CDH18: variants seen among roughly 807,000 people sequenced by gnomAD.
CDH18 encodes cadherin 18.
A neutral mutation model predicts 67.9 loss-of-function variants in CDH18; 31 were observed. The ratio of observed to expected loss-of-function variants is 0.46; its 90% CI spans 0.34 to 0.62. CDH18 has a LOEUF of 0.62. Among genes scored for constraint, CDH18 ranks in the 20% least tolerant of loss-of-function variants. The pLI is 0.01. For missense variants in CDH18, 890 were observed against 975.5 expected (o/e 0.91, Z 1.17); for synonymous variants, 362 against 347.2 (o/e 1.04, Z -0.48).
At chr5:20,503,065 G>C (rs1341279955) in intron 1 of CDH18, among the ~76,000 whole-genome samples, 1 of 152,008 alleles carries the variant, frequency 6.6e-6, no homozygotes, top group Non-Finnish European at 1.5e-5. Context: ...AGTTAATGTA[G>C]TGCTGCAAAT....
At chr5:20,484,929 A>G (rs1271550816) in intron 1 of CDH18, among the ~76,000 whole-genome samples, 1 of 152,126 alleles carries the variant, frequency 6.6e-6, no homozygotes, top group African/African-American at 2.4e-5. Flanking sequence ...GAAACAACTA[A>G]AAGAGTATAT....
chr5:20,460,120 C>A (rs925739784), intron 1 of CDH18, among the ~76,000 whole-genome samples: 1 of 151,892 alleles, frequency 6.6e-6, no homozygotes, highest in South Asian at 2.1e-4. Flanking sequence ...GCAGGCCGGG[C>A]GCAGTGGCTC....
chr5:20,525,232 C>A (rs1224397632), intron 1 of CDH18, among the ~76,000 whole-genome samples: 4 of 152,068 alleles, frequency 2.6e-5, no homozygotes, highest in Non-Finnish European at 5.9e-5. Context: ...GATTCACTAC[C>A]AAAGGTCTGA....
At chr5:20,010,148 T>G (rs977143577) in intron 2 of CDH18, among the ~76,000 whole-genome samples, 2 of 142,876 alleles carry the variant, frequency 1.4e-5, no homozygotes, top group African/African-American at 5.2e-5. Context: ...CCACACAACC[T>G]AGTGGAAAGT....
chr5:19,705,477 G>C (rs1429167050), intron 5 of CDH18, among the ~76,000 whole-genome samples: 1 of 152,090 alleles, frequency 6.6e-6, no homozygotes, highest in Non-Finnish European at 1.5e-5. Context: ...AGTCTCAGTT[G>C]CCCTCAACAA....
intron 2 of CDH18, among the ~76,000 whole-genome samples, chr5:19,871,683 G>C (rs1478736374): frequency 6.6e-6 from 1 of 152,078 alleles, no homozygotes; most frequent in Non-Finnish European, 1.5e-5. Flanking sequence ...CTTCCATCTT[G>C]TATGTCTCCC....
chr5:20,127,488 C>T (rs913076810), intron 2 of CDH18, among the ~76,000 whole-genome samples: 3 of 151,932 alleles, frequency 2.0e-5, no homozygotes, highest in Admixed American at 6.6e-5. Context: ...CTATATACAA[C>T]AATGAAATCT....
At chr5:20,210,936 AAT>A (rs1740303922) in intron 2 of CDH18, among the ~76,000 whole-genome samples, 1 of 152,056 alleles carries the variant, frequency 6.6e-6, no homozygotes, top group South Asian at 2.1e-4. Flanking sequence ...TTAATGAAAA[AAT>A]AATAAAAGTA....
At chr5:20,493,446 AG>A (rs1753714198) in intron 1 of CDH18, among the ~76,000 whole-genome samples, 1 of 151,778 alleles carries the variant, frequency 6.6e-6, no homozygotes, top group African/African-American at 2.4e-5. Context: ...AAATAAACAA[AG>A]GCCACTCAAA....
At chr5:19,774,994 T>G (rs961125120) in intron 3 of CDH18, among the ~76,000 whole-genome samples, 1 of 152,038 alleles carries the variant, frequency 6.6e-6, no homozygotes, top group Non-Finnish European at 1.5e-5. Context: ...ATTATTTCTG[T>G]TAATAAACCA....
chr5:20,313,210 G>A (rs1186284341), intron 1 of CDH18, among the ~76,000 whole-genome samples: 4 of 152,036 alleles, frequency 2.6e-5, no homozygotes, highest in Admixed American at 2.6e-4. Context: ...GTTGTTAATT[G>A]GGTATTTTAA....
intron 2 of CDH18, among the ~76,000 whole-genome samples, chr5:20,005,211 G>A (rs1206357007): frequency 3.3e-5 from 5 of 151,994 alleles, no homozygotes; most frequent in African/African-American, 9.7e-5. Context: ...ATAAACATCC[G>A]AATGACACTA....
At chr5:19,561,804 T>C (rs1247070121) in intron 8 of CDH18, among the ~76,000 whole-genome samples, 2 of 152,158 alleles carry the variant, frequency 1.3e-5, no homozygotes, top group African/African-American at 4.8e-5. Context: ...AGTCTAAAGA[T>C]ATGTTCATCT....
chr5:19,914,798 T>C (rs1791570711), intron 2 of CDH18, among the ~76,000 whole-genome samples: 1 of 152,056 alleles, frequency 6.6e-6, no homozygotes, highest in Non-Finnish European at 1.5e-5. Flanking sequence ...ATCAAGTCAA[T>C]AGTTTCCTAA....
At chr5:20,492,179 A>G (rs1347280852) in intron 1 of CDH18, among the ~76,000 whole-genome samples, 1 of 149,404 alleles carries the variant, frequency 6.7e-6, no homozygotes, top group African/African-American at 2.5e-5. Flanking sequence ...AGTAACATTG[A>G]TTTTTTTTTT....
chr5:20,495,172 A>G (rs1322108958), intron 1 of CDH18, among the ~76,000 whole-genome samples: 1 of 152,126 alleles, frequency 6.6e-6, no homozygotes, highest in Non-Finnish European at 1.5e-5. Context: ...TGGCCATTCA[A>G]AACCTCTGAC....
rs149173817 is a variant in CDH18 at position 19,796,209 on chromosome 5, C to A, written c.228+42550G>T. On this transcript the variant is annotated intron_variant, in intron 3 of 12. Coordinates refer to ENST00000382275, the MANE Select transcript of CDH18 (RefSeq NM_004934.5). ...CAGATTTGGTGAAAATCAAAACCTA[C>A]AGATCCAAGAAGCTGAGAGAATTCC... Among the ~76,000 whole-genome samples, 610 of 152,130 alleles carry A rather than the reference C, an allele frequency of 4.0e-3. 1 individual carries two copies. The highest frequency in any genetic ancestry group is 0.014 in the African/African-American group (589 of 41,524).
At chr5:20,172,190 G>GTGTGTATATATATATATA (rs1342353318) in intron 2 of CDH18, among the ~76,000 whole-genome samples, 2 of 23,330 alleles carry the variant, frequency 8.6e-5, no homozygotes, top group African/African-American at 3.2e-4. Context: ...AGCATTGTGT[G>GTGTGTATATATATATATA]TATATATATA....
At chr5:19,860,302 CAT>C (rs1321174274) in intron 2 of CDH18, among the ~76,000 whole-genome samples, 4 of 152,050 alleles carry the variant, frequency 2.6e-5, no homozygotes, top group Non-Finnish European at 4.4e-5. Flanking sequence ...TTGATGATCA[CAT>C]ATTTGCTTAT....
Sources: gnomAD v4.1 joint callset for allele counts (sites outside exome capture counted in the v4.1 genomes callset) on GRCh38, gnomAD v4.1.1 for gene constraint, MANE v1.5 for transcripts, NCBI Gene and HGNC (gene_info 2026-07-23, HGNC 2026-07-21) for gene names.